Variants in SDK1 observed in about 807,000 individuals in gnomAD.
SDK1 encodes protein sidekick-1.
SDK1 carries 157 observed loss-of-function variants against 245.5 expected under a neutral mutation model. The observed-to-expected ratio is 0.64, with a 90% CI of 0.56 to 0.73. The LOEUF (loss-of-function observed/expected upper bound fraction) is 0.73, where lower values mean the gene tolerates loss of function less well. Ranked by LOEUF, SDK1 falls within the 30% of genes least tolerant of loss-of-function variation. SDK1 has a pLI of 0.00. For synonymous variants in SDK1, 1,647 were observed against 1,278.5 expected, an observed-to-expected ratio of 1.29 and a Z score of -6.15; for missense variants, 3,583 against 3,002.3, an observed-to-expected ratio of 1.19 and a Z score of -4.52.
chr7:4,197,624 A>G (rs375200277), intron 35 of SDK1, among the ~76,000 whole-genome samples: 10 of 152,228 alleles, frequency 6.6e-5, no homozygotes, highest in African/African-American at 2.2e-4. Context: ...GTGATGGTGT[A>G]CAGGGGAGCG....
intron 4 of SDK1, among the ~76,000 whole-genome samples, chr7:3,726,411 C>T (rs898944710): frequency 1.3e-5 from 2 of 152,228 alleles, no homozygotes; most frequent in Non-Finnish European, 2.9e-5. Context: ...TTCTTTCTTA[C>T]AGGAAACTGT....
At chr7:3,766,922 T>C (rs115471840) in intron 4 of SDK1, among the ~76,000 whole-genome samples, 2,004 of 152,314 alleles carry the variant, frequency 0.013, 54 homozygotes, top group African/African-American at 0.046. Context: ...AGTGGTTCTA[T>C]TTAAATTCCA....
chr7:3,406,142 AG>A (rs1399004707), intron 1 of SDK1, among the ~76,000 whole-genome samples: 2 of 152,314 alleles, frequency 1.3e-5, no homozygotes, highest in Non-Finnish European at 2.9e-5. Flanking sequence ...AACAAACTCT[AG>A]AACAAGTTAA....
intron 20 of SDK1, among the ~76,000 whole-genome samples, chr7:4,072,085 C>G (rs958782098): frequency 3.3e-5 from 5 of 152,232 alleles, no homozygotes; most frequent in Non-Finnish European, 7.3e-5. Context: ...TCGTCTGTTT[C>G]ACCAGCTAAT....
intron 1 of SDK1, among the ~76,000 whole-genome samples, chr7:3,598,153 T>G (rs1367320704): frequency 1.3e-5 from 2 of 152,258 alleles, no homozygotes; most frequent in African/African-American, 4.8e-5. Flanking sequence ...CAAATGATGT[T>G]GAGCAGCTTC....
intron 4 of SDK1, among the ~76,000 whole-genome samples, chr7:3,718,942 A>G (rs1365838106): frequency 6.6e-6 from 1 of 152,234 alleles, no homozygotes; most frequent in East Asian, 1.9e-4. Context: ...ATACAAAATC[A>G]ACACATAAAA....
intron 31 of SDK1, among the ~76,000 whole-genome samples, chr7:4,161,258 A>G (rs1157360588): frequency 2.0e-5 from 3 of 152,120 alleles, no homozygotes; most frequent in Non-Finnish European, 4.4e-5. Flanking sequence ...GAGCAGAACC[A>G]TGGCAGACTC....
chr7:3,980,766 AC>A (rs1172316333), intron 13 of SDK1, among the ~76,000 whole-genome samples: 1 of 152,134 alleles, frequency 6.6e-6, no homozygotes, highest in Non-Finnish European at 1.5e-5. Flanking sequence ...AGATGGCGAA[AC>A]CCTGTCTCTA....
At chr7:3,647,368 A>C (rs1782882856) in intron 4 of SDK1, among the ~76,000 whole-genome samples, 1 of 152,190 alleles carries the variant, frequency 6.6e-6, no homozygotes, top group South Asian at 2.1e-4. Flanking sequence ...TCCTTCCCAC[A>C]TTCTGGGGCT....
intron 35 of SDK1, among the ~76,000 whole-genome samples, chr7:4,189,387 G>A (rs985088055): frequency 6.6e-6 from 1 of 152,182 alleles, no homozygotes; most frequent in Non-Finnish European, 1.5e-5. Flanking sequence ...AGCAAAAAGA[G>A]CAACATAGGT....
At position 4,268,982 on chromosome 7, in the gene SDK1, C is replaced by T. The variant is rs952716602; in HGVS notation, c.*3598C>T. 2 of 279,608 alleles carry T rather than the reference C, an allele frequency of 7.2e-6. No individual in the cohort carries two copies. Among genetic ancestry groups the T allele is most frequent in the South Asian group, 3.3e-5 (1 of 30,680 alleles). The allele number at this position is 279,608 out of a possible 1,614,324, so 17.3% of individuals were successfully genotyped here. ...CTATGGGTACAATTTTTAATAAAAA[C>T]ATTATTTTGTTCCTTAAACGCTTGT... On this transcript the variant is annotated 3_prime_UTR_variant, in exon 45 of 45. Transcript: ENST00000404826.
chr7:4,261,216 C>G (rs528468771), intron 44 of SDK1, among the ~76,000 whole-genome samples: 4 of 152,154 alleles, frequency 2.6e-5, no homozygotes, highest in Admixed American at 1.3e-4. Context: ...ACGGTGTCGG[C>G]TCATGGATCA....
At chr7:3,820,373 C>G (rs7804248) in intron 4 of SDK1, among the ~76,000 whole-genome samples, 17,674 of 152,156 alleles carry the variant, frequency 0.12, 1,726 homozygotes, top group African/African-American at 0.27. Context: ...TGGTCTCGAT[C>G]TCTTGACGTC....
intron 5 of SDK1, among the ~76,000 whole-genome samples, chr7:3,925,485 C>G (rs1779735529): frequency 6.6e-6 from 1 of 152,180 alleles, no homozygotes; most frequent in Non-Finnish European, 1.5e-5. Flanking sequence ...CTCTATGAAT[C>G]TCTCGTCGCC....
intron 1 of SDK1, among the ~76,000 whole-genome samples, chr7:3,556,885 A>G (rs1029955640): frequency 6.6e-6 from 1 of 152,154 alleles, no homozygotes; most frequent in Non-Finnish European, 1.5e-5. Flanking sequence ...ATGGATACCC[A>G]TACCCCGTTT....
chr7:3,674,335 C>T (rs998225240), intron 4 of SDK1, among the ~76,000 whole-genome samples: 1 of 152,004 alleles, frequency 6.6e-6, no homozygotes, highest in Non-Finnish European at 1.5e-5. Context: ...GGGCATCTAC[C>T]CCACGTCCAA....
At chr7:3,919,908 G>A (rs904161395) in intron 5 of SDK1, among the ~76,000 whole-genome samples, 3 of 152,174 alleles carry the variant, frequency 2.0e-5, no homozygotes, top group African/African-American at 7.2e-5. Context: ...AATCAGATGT[G>A]ACCAGTGGCA....
intron 29 of SDK1, among the ~76,000 whole-genome samples, chr7:4,148,716 G>A (rs7792297): frequency 0.075 from 11,449 of 152,298 alleles, 550 homozygotes; most frequent in African/African-American, 0.13. Flanking sequence ...GTGTGGCTTT[G>A]TTCCTGTCTG....
chr7:3,449,677 G>A (rs2128591220), intron 1 of SDK1, among the ~76,000 whole-genome samples: 1 of 152,312 alleles, frequency 6.6e-6, no homozygotes, highest in South Asian at 2.1e-4. Flanking sequence ...AGCACATTTT[G>A]TGAATATTTA....
Sources: gnomAD v4.1 joint callset for allele counts (sites outside exome capture counted in the v4.1 genomes callset) on GRCh38, gnomAD v4.1.1 for gene constraint, MANE v1.5 for transcripts, NCBI Gene and HGNC (gene_info 2026-07-23, HGNC 2026-07-21) for gene names.